Variants in CDH13 observed in about 807,000 individuals in gnomAD.
The protein encoded by CDH13 is cadherin 13.
Under a neutral mutation model 63.8 loss-of-function variants are expected in CDH13, and 24 were observed. The observed-to-expected ratio is 0.38, with a 90% CI of 0.27 to 0.53. CDH13 has a LOEUF of 0.53. Among genes scored for constraint, CDH13 ranks in the 20% least tolerant of loss-of-function variants. The pLI, the probability that CDH13 is intolerant of heterozygous loss-of-function variation, is 0.85. For missense variants in CDH13, 1,049 were observed against 903.1 expected, an observed-to-expected ratio of 1.16 and a Z score of -2.07; for synonymous variants, 503 against 355.3, an observed-to-expected ratio of 1.42 and a Z score of -4.67.
At chr16:83,140,355 A>G (rs9932942) in intron 4 of CDH13, among the ~76,000 whole-genome samples, 44,872 of 152,152 alleles carry the variant, frequency 0.29, 7,240 homozygotes, top group African/African-American at 0.42. Context: ...ATGGCAGACC[A>G]TTGCTATGGC....
At chr16:83,316,333 G>A (rs182780606) in intron 5 of CDH13, among the ~76,000 whole-genome samples, 14 of 152,292 alleles carry the variant, frequency 9.2e-5, no homozygotes, top group Non-Finnish European at 1.6e-4. Flanking sequence ...AATTGCTACC[G>A]TAATTGATAC....
intron 7 of CDH13, among the ~76,000 whole-genome samples, chr16:83,529,631 A>G (rs1405194083): frequency 6.6e-6 from 1 of 152,228 alleles, no homozygotes; most frequent in East Asian, 1.9e-4. Context: ...CTGTAAGGAT[A>G]GTAAAAGACA....
chr16:83,708,859 A>G (rs1402860761), intron 10 of CDH13, among the ~76,000 whole-genome samples: 1 of 151,988 alleles, frequency 6.6e-6, no homozygotes, highest in Non-Finnish European at 1.5e-5. Context: ...ACCTATCTCT[A>G]CTAAAAATAC....
chr16:83,280,568 C>G (rs1301724557), intron 5 of CDH13, among the ~76,000 whole-genome samples: 1 of 152,214 alleles, frequency 6.6e-6, no homozygotes. Flanking sequence ...ATTTTGGCCT[C>G]TTATCATGAA....
At chr16:83,035,286 A>G (rs1464452162) in intron 3 of CDH13, among the ~76,000 whole-genome samples, 2 of 152,142 alleles carry the variant, frequency 1.3e-5, no homozygotes, top group South Asian at 2.1e-4. Context: ...GGGAGGGAAT[A>G]CGAATGTGTG....
chr16:83,001,495 G>A (rs1422432892), intron 2 of CDH13, among the ~76,000 whole-genome samples: 2 of 152,222 alleles, frequency 1.3e-5, no homozygotes, highest in Non-Finnish European at 2.9e-5. Context: ...TGAAAACAGA[G>A]CTGCCAGACC....
At position 83,473,894 on chromosome 16, in the gene CDH13, G is replaced by A. The variant is rs980013955; in HGVS notation, c.782-12583G>A. On this transcript the variant is annotated intron_variant, in intron 6 of 13. Transcript: ENST00000567109. ...TCCATAAAATGGGCTAATGACACCT[G>A]CCTCATAGGGTTTGTGGGATGATTA... Among the ~76,000 whole-genome samples, 12 of 95,560 alleles carry A rather than the reference G, an allele frequency of 1.3e-4. No homozygotes were observed. The Admixed American group carries it at 1.5e-3, about 12-fold the overall frequency. 62.7% of individuals were successfully genotyped at this position (95,560 alleles called of 152,430 possible). A position where few individuals can be genotyped will look rare whatever the true frequency, so the allele number is the denominator to read the frequency against.
chr16:83,147,323 T>C (rs2036792718), intron 4 of CDH13, among the ~76,000 whole-genome samples: 2 of 152,180 alleles, frequency 1.3e-5, no homozygotes, highest in African/African-American at 4.8e-5. Context: ...TTGCTTTGAT[T>C]CTTGCAGTCC....
intron 1 of CDH13, among the ~76,000 whole-genome samples, chr16:82,731,378 G>A (rs912215159): frequency 2.6e-5 from 4 of 152,182 alleles, no homozygotes; most frequent in African/African-American, 7.2e-5. Context: ...CTGAACTCTA[G>A]TCTAGACTTA....
chr16:82,930,275 C>A (rs1176258952), intron 2 of CDH13, among the ~76,000 whole-genome samples: 1 of 152,024 alleles, frequency 6.6e-6, no homozygotes, highest in Non-Finnish European at 1.5e-5. Flanking sequence ...CTACGTCCGG[C>A]CTGTTCTTTA....
At chr16:83,529,103 T>C (rs1041060106) in intron 7 of CDH13, among the ~76,000 whole-genome samples, 3 of 151,728 alleles carry the variant, frequency 2.0e-5, no homozygotes, top group African/African-American at 7.3e-5. Context: ...TTTTTTTTTT[T>C]TTTTCTTTTT....
At chr16:83,621,505 G>T (rs1256917255) in intron 8 of CDH13, among the ~76,000 whole-genome samples, 6 of 5,446 alleles carry the variant, frequency 1.1e-3, no homozygotes, top group Non-Finnish European at 1.4e-3. Flanking sequence ...TTTTTTTTTT[G>T]AGATGGAGTT....
chr16:82,841,303 A>G (rs1015083488), intron 1 of CDH13, among the ~76,000 whole-genome samples: 26 of 152,184 alleles, frequency 1.7e-4, no homozygotes, highest in African/African-American at 5.8e-4. Context: ...CCTCTCTGTT[A>G]GTGCTTGCTT....
chr16:83,112,062 C>T (rs2035082919), intron 3 of CDH13, among the ~76,000 whole-genome samples: 1 of 152,114 alleles, frequency 6.6e-6, no homozygotes, highest in Non-Finnish European at 1.5e-5. Context: ...GGGCTTTGTT[C>T]CATTTTTGGA....
chr16:83,500,987 C>A (rs971659250), intron 7 of CDH13, among the ~76,000 whole-genome samples: 3 of 152,130 alleles, frequency 2.0e-5, no homozygotes, highest in African/African-American at 7.2e-5. Context: ...GGGAAGCATT[C>A]CAAATGTTTT....
chr16:83,221,788 G>A (rs893269593), intron 5 of CDH13, among the ~76,000 whole-genome samples: 1 of 152,106 alleles, frequency 6.6e-6, no homozygotes, highest in East Asian at 1.9e-4. Flanking sequence ...AGTGGGAGAT[G>A]CTCAGATAAC....
chr16:83,012,623 A>G (rs1303574817), intron 2 of CDH13, among the ~76,000 whole-genome samples: 1 of 152,196 alleles, frequency 6.6e-6, no homozygotes, highest in Admixed American at 6.5e-5. Flanking sequence ...AAGTATGGGA[A>G]ACAGACCTTG....
At chr16:83,216,427 T>TATATATATATATAAATATAA (rs1555513892) in intron 4 of CDH13, among the ~76,000 whole-genome samples, 4 of 45,056 alleles carry the variant, frequency 8.9e-5, no homozygotes, top group Non-Finnish European at 1.5e-4. Flanking sequence ...TATATATATA[T>TATATATATATATAAATATAA]ATATATATAT....
intron 2 of CDH13, among the ~76,000 whole-genome samples, chr16:82,862,230 T>A (rs2039973148): frequency 6.6e-6 from 1 of 152,168 alleles, no homozygotes; most frequent in Non-Finnish European, 1.5e-5. Flanking sequence ...GCAACCCTGG[T>A]TACATCATGA....
Sources: gnomAD v4.1 joint callset for allele counts (sites outside exome capture counted in the v4.1 genomes callset) on GRCh38, gnomAD v4.1.1 for gene constraint, MANE v1.5 for transcripts, NCBI Gene and HGNC (gene_info 2026-07-23, HGNC 2026-07-21) for gene names.